Variants in GSE1 observed in about 807,000 individuals in gnomAD.
GSE1 encodes the protein Gse1 coiled-coil protein, also known as genetic suppressor element 1.
GSE1 carries 32 observed loss-of-function variants against 112.6 expected under a neutral mutation model. The ratio of observed to expected loss-of-function variants is 0.28; its 90% CI spans 0.21 to 0.38. The LOEUF (loss-of-function observed/expected upper bound fraction) is 0.38, where lower values mean the gene tolerates loss of function less well. Among genes scored for constraint, GSE1 ranks in the 10% least tolerant of loss-of-function variants. The probability of loss-of-function intolerance (pLI) is 1.00; values close to 1 mark genes in which losing one functional copy is unlikely to be tolerated. For synonymous variants in GSE1, 1,115 were observed against 735.6 expected (o/e 1.52, Z -8.35); for missense variants, 2,348 against 1,699.2 (o/e 1.38, Z -6.71).
intron 2 of GSE1, among the ~76,000 whole-genome samples, chr16:85,380,344 G>A (rs2151618984): frequency 6.6e-6 from 1 of 152,288 alleles, no homozygotes; most frequent in South Asian, 2.1e-4. Flanking sequence ...GAGGGGAGGA[G>A]GTGGCACTCC....
At chr16:85,655,071 C>G (rs1010461959) in intron 5 of GSE1, 80 bp downstream of exon 5, 1 of 928,904 alleles carries the variant, frequency 1.1e-6, no homozygotes, top group Non-Finnish European at 1.7e-6. Flanking sequence ...GAAGGTGTTT[C>G]TTATGACCTG....
intron 1 of GSE1, among the ~76,000 whole-genome samples, chr16:85,270,128 G>A (rs906599408): frequency 6.7e-6 from 1 of 148,928 alleles, no homozygotes; most frequent in East Asian, 1.9e-4. Flanking sequence ...ACTCCTCTGG[G>A]GTCACACTGG....
At chr16:85,215,136 A>C (rs2075287460) in intron 1 of GSE1, among the ~76,000 whole-genome samples, 1 of 152,144 alleles carries the variant, frequency 6.6e-6, no homozygotes, top group Admixed American at 6.5e-5. Context: ...GTGGTTAAAG[A>C]GCTTTGACTC....
intron 2 of GSE1, among the ~76,000 whole-genome samples, chr16:85,378,741 C>T (rs1027428074): frequency 6.6e-6 from 1 of 152,170 alleles, no homozygotes; most frequent in Admixed American, 6.5e-5. Context: ...TGGGCAGTGC[C>T]AGGAAGGCAA....
intron 2 of GSE1, among the ~76,000 whole-genome samples, chr16:85,517,345 A>T (rs2051984838): frequency 1.3e-5 from 2 of 152,212 alleles, no homozygotes; most frequent in African/African-American, 4.8e-5. Context: ...CCCGTGCCAC[A>T]GCTTTCTCAT....
At chr16:85,577,581 C>A (rs927771208) in intron 1 of GSE1, among the ~76,000 whole-genome samples, 3 of 152,168 alleles carry the variant, frequency 2.0e-5, no homozygotes, top group Admixed American at 6.5e-5. Flanking sequence ...CTGCGATTAT[C>A]CCCCTTTCAC....
In GSE1 at chr16:85,456,376, C is replaced by T. The variant is rs569401955; in HGVS notation, c.2464+98733C>T. ...GGAGGTGGGACCCTTTGAGCTTGTT[C>T]TGGAACATGAGAGCTCAGCCATCTC... On this transcript the variant is annotated intron_variant, in intron 2 of 2. Coordinates refer to the GSE1 transcript ENST00000637419. 5.3e-5 allele frequency among the ~76,000 whole-genome samples: 8 copies of T among 152,238 alleles called. No individual in the cohort carries two copies. In the South Asian group the frequency reaches 1.7e-3, roughly 32 times the overall value.
intron 2 of GSE1, among the ~76,000 whole-genome samples, chr16:85,646,111 A>G (rs112395537): frequency 7.2e-5 from 8 of 111,472 alleles, no homozygotes; most frequent in African/African-American, 3.0e-4. Flanking sequence ...CATGCATTCT[A>G]CCTGCTTCTA....
At position 85,419,768 on chromosome 16, in the gene GSE1, C is replaced by T. The variant is rs1460205723; in HGVS notation, c.2464+62125C>T. Among the ~76,000 whole-genome samples, 2 of 151,996 alleles carry T rather than the reference C, an allele frequency of 1.3e-5. No homozygotes were observed. The highest frequency in any genetic ancestry group is 2.9e-5 in the Non-Finnish European group (2 of 67,966). On this transcript the variant is annotated intron_variant, in intron 2 of 2. Transcript: ENST00000637419. The surrounding 1 kb of genome is among the most constrained non-coding windows in gnomAD (Gnocchi z 6.5). ...GATGCCTGCCTCCCCCGCCCCGCCCCCACCCCTCCAAGACTCTGATGGAAA... is the reference window on the plus strand; with the variant it reads ...GATGCCTGCCTCCCCCGCCCCGCCCTCACCCCTCCAAGACTCTGATGGAAA...
intron 1 of GSE1, among the ~76,000 whole-genome samples, chr16:85,272,940 C>G (rs943211712): frequency 6.6e-6 from 1 of 152,158 alleles, no homozygotes; most frequent in African/African-American, 2.4e-5. Context: ...TTATGCCCGG[C>G]TAACTTTGTA....
intron 5 of GSE1, 109 bp from the exon 6 acceptor site, chr16:85,655,617 T>TTCCCCACGC: frequency 1.5e-6 from 1 of 672,286 alleles, no homozygotes; most frequent in East Asian, 2.7e-5. Context: ...TTTTGTCACG[T>TTCCCCACGC]TCCCCACGCT....
At position 85,655,895 on chromosome 16, in the gene GSE1, A is replaced by G. The variant is rs1598623565; in HGVS notation, c.967A>G (p.Met323Val). ...SSLAALHSERMSGLSAERLQM... is the reference protein window; with the variant it reads ...SSLAALHSERVSGLSAERLQM... ...CCTGGCAGCGCTGCACTCGGAGCGCATGTCTGGCCTCAGCGCGGAGAGGTA... is the reference window on the plus strand; with the variant it reads ...CCTGGCAGCGCTGCACTCGGAGCGCGTGTCTGGCCTCAGCGCGGAGAGGTA... The change falls in exon 6 of 16, where the codon ATG (methionine) becomes GTG (valine). Residue 323 changes from methionine (M) to valine (V), a missense_variant. By Grantham distance (21) the Met-to-Val change is conservative. Transcript: ENST00000253458. The G allele has an allele frequency of 5.0e-6, 8 of 1,605,410 alleles. No homozygotes were observed. The highest frequency in any genetic ancestry group is 1.1e-5 in the South Asian group (1 of 91,046).
intron 1 of GSE1, among the ~76,000 whole-genome samples, chr16:85,585,032 C>T (rs896040091): frequency 1.3e-5 from 2 of 152,094 alleles, no homozygotes; most frequent in South Asian, 2.1e-4. Context: ...CCAAATCCAG[C>T]GTATGGGGCA....
At chr16:85,489,742 C>T (rs1213114273) in intron 2 of GSE1, 1 of 152,326 alleles carries the variant, frequency 6.6e-6, no homozygotes, top group Non-Finnish European at 1.5e-5. Flanking sequence ...CTGCCCAGAA[C>T]CTCAGAACGT....
At chr16:85,320,186 G>A (rs1279554505) in intron 1 of GSE1, among the ~76,000 whole-genome samples, 1 of 152,234 alleles carries the variant, frequency 6.6e-6, no homozygotes, top group Non-Finnish European at 1.5e-5. Flanking sequence ...GGGACTGGGT[G>A]GGAAGCAGAG....
intron 1 of GSE1, among the ~76,000 whole-genome samples, chr16:85,201,283 C>T (rs2075023784): frequency 1.3e-5 from 2 of 150,918 alleles, no homozygotes; most frequent in South Asian, 4.2e-4. Flanking sequence ...GTTGCTCAGG[C>T]TGAGTTTGAA....
At chr16:85,369,837 C>A (rs2047257919) in intron 2 of GSE1, among the ~76,000 whole-genome samples, 1 of 152,250 alleles carries the variant, frequency 6.6e-6, no homozygotes, top group South Asian at 2.1e-4. Context: ...GTGTGCCAGG[C>A]ACTGTTGTAG....
At chr16:85,215,415 T>TG (rs1006686375) in intron 1 of GSE1, among the ~76,000 whole-genome samples, 14 of 152,116 alleles carry the variant, frequency 9.2e-5, no homozygotes, top group African/African-American at 3.1e-4. Context: ...GGAAGGGTTG[T>TG]GGGGGGGCCA....
At chr16:85,503,254 CCA>C (rs754745138) in intron 2 of GSE1, among the ~76,000 whole-genome samples, 9 of 152,214 alleles carry the variant, frequency 5.9e-5, no homozygotes, top group Non-Finnish European at 1.3e-4. Flanking sequence ...CCAGGGGTCA[CCA>C]CACGGGTGTC....
Sources: gnomAD v4.1 joint callset for allele counts (sites outside exome capture counted in the v4.1 genomes callset) on GRCh38, gnomAD v4.1.1 for gene constraint, Gnocchi (gnomAD v3.1) non-coding constraint, MANE v1.5 for transcripts, NCBI Gene and HGNC (gene_info 2026-07-23, HGNC 2026-07-21) for gene names.